Variants in NUP62CL observed in about 807,000 individuals in gnomAD.
NUP62CL encodes nucleoporin-62 C-terminal-like protein.
A neutral mutation model predicts 15.3 loss-of-function variants in NUP62CL; 13 were observed. The ratio of observed to expected loss-of-function variants is 0.85; its 90% CI spans 0.55 to 1.35. NUP62CL has a LOEUF of 1.35. NUP62CL is among the 40% of genes most tolerant of loss of function. The probability of loss-of-function intolerance (pLI) is 0.00; values close to 1 mark genes in which losing one functional copy is unlikely to be tolerated. For synonymous variants in NUP62CL, 54 were observed against 49.2 expected, an observed-to-expected ratio of 1.10 and a Z score of -0.41; for missense variants, 123 against 130.6, an observed-to-expected ratio of 0.94 and a Z score of 0.28.
chrX:107,184,345 A>C (rs1927000080), intron 2 of NUP62CL, among the ~76,000 whole-genome samples: 1 of 93,229 alleles, frequency 1.1e-5, no homozygotes, highest in Admixed American at 1.2e-4. Context: ...GAAAGAAAGA[A>C]AGAAAGAAAG....
intron 2 of NUP62CL, among the ~76,000 whole-genome samples, chrX:107,188,560 T>A (rs1429165256): frequency 9.0e-6 from 1 of 110,577 alleles, no homozygotes; most frequent in Non-Finnish European, 1.9e-5. Context: ...GTTTTCCCCC[T>A]AAGATCAATA....
chrX:107,124,964 C>T (rs959731531), intron 8 of NUP62CL, among the ~76,000 whole-genome samples: 1 of 111,208 alleles, frequency 9.0e-6, no homozygotes, highest in Admixed American at 9.6e-5. Flanking sequence ...AACTGGTGCC[C>T]AAGAAGAAAA....
At chrX:107,143,701 A>G (rs748218797) in intron 8 of NUP62CL, among the ~76,000 whole-genome samples, 19 of 112,199 alleles carry the variant, frequency 1.7e-4, no homozygotes, top group African/African-American at 5.8e-4. Context: ...TCTCTTTAGT[A>G]AAAAACTATA....
intron 3 of NUP62CL, among the ~76,000 whole-genome samples, chrX:107,170,730 A>G (rs1395350470): frequency 8.9e-6 from 1 of 112,004 alleles, no homozygotes. Flanking sequence ...CTTTTTGTAC[A>G]GTTTTATTTT....
At position 107,174,133 on chromosome X, in the gene NUP62CL, CTCTT is replaced by C. The variant is rs1206327385; in HGVS notation, c.58+952_58+955del. On this transcript the variant is annotated intron_variant, in intron 3 of 8. Transcript: ENST00000372466. The stretch of plus-strand genomic sequence containing the variant: ...TCCCTCCCTCTCTCTCCCCCTCTCT[CTCTT>C]TCTTTCTTCCTTTCCTTTTTTTTTT... Among the ~76,000 whole-genome samples, 381 of 79,030 alleles carry C rather than the reference CTCTT, an allele frequency of 4.8e-3. 4 individuals are homozygous for C. The highest frequency in any genetic ancestry group is 0.018 in the African/African-American group (362 of 20,367). 68.6% of individuals were successfully genotyped at this position (79,030 alleles called of 115,157 possible).
intron 4 of NUP62CL, among the ~76,000 whole-genome samples, chrX:107,161,979 C>T (rs1041229723): frequency 4.7e-5 from 5 of 107,517 alleles, no homozygotes; most frequent in African/African-American, 1.7e-4. Context: ...TCAAACAAGC[C>T]ATTTCAAATT....
chrX:107,141,916 C>T (rs903894728), intron 8 of NUP62CL, among the ~76,000 whole-genome samples: 11 of 109,173 alleles, frequency 1.0e-4, no homozygotes, highest in Admixed American at 6.9e-4. Flanking sequence ...AAAAATTAGC[C>T]GGGTATGGTG....
intron 4 of NUP62CL, among the ~76,000 whole-genome samples, chrX:107,163,933 T>G (rs1163369955): frequency 8.9e-6 from 1 of 111,793 alleles, no homozygotes; most frequent in Non-Finnish European, 1.9e-5. Flanking sequence ...AAAGCCACTC[T>G]CCACAACTGA....
chrX:107,153,993 AAAC>A (rs946839614), intron 5 of NUP62CL, 100 bp downstream of exon 5: 26 of 840,786 alleles, frequency 3.1e-5, no homozygotes, highest in Non-Finnish European at 4.2e-5. Flanking sequence ...AACATAAACA[AAAC>A]AACAACAACA....
At chrX:107,196,131 A>C (rs1262415069) in intron 1 of NUP62CL, among the ~76,000 whole-genome samples, 1 of 111,333 alleles carries the variant, frequency 9.0e-6, no homozygotes, top group Non-Finnish European at 1.9e-5. Flanking sequence ...ATAATTTAAG[A>C]ATCTTCCTAT....
intron 2 of NUP62CL, among the ~76,000 whole-genome samples, chrX:107,189,568 G>C (rs958442429): frequency 9.2e-6 from 1 of 108,643 alleles, no homozygotes; most frequent in African/African-American, 3.4e-5. Flanking sequence ...TTAAGCTCAA[G>C]AGTTTGAGAC....
intron 8 of NUP62CL, among the ~76,000 whole-genome samples, chrX:107,126,648 A>G (rs1372272017): frequency 8.9e-6 from 1 of 112,415 alleles, no homozygotes; most frequent in Non-Finnish European, 1.9e-5. Flanking sequence ...ATCTACATCC[A>G]AATGAAATCA....
At chrX:107,201,520 G>A (rs1056650004) in intron 1 of NUP62CL, among the ~76,000 whole-genome samples, 7 of 110,362 alleles carry the variant, frequency 6.3e-5, no homozygotes, top group Middle Eastern at 4.6e-3. Context: ...CAGCAATAAC[G>A]GAATGGAGAT....
At chrX:107,193,697 A>C (rs896229972) in intron 1 of NUP62CL, among the ~76,000 whole-genome samples, 3 of 111,360 alleles carry the variant, frequency 2.7e-5, no homozygotes, top group Non-Finnish European at 5.7e-5. Context: ...GTCAAAAAAA[A>C]AAAGCCCTTA....
chrX:107,153,431 A>G, intron 6 of NUP62CL, 23 bp downstream of exon 6: 3 of 1,147,748 alleles, frequency 2.6e-6, no homozygotes, highest in Non-Finnish European at 2.3e-6. Context: ...TAATCTTTCA[A>G]CCAAGGAAAT....
chrX:107,180,277 G>A (rs770403118), intron 2 of NUP62CL, among the ~76,000 whole-genome samples: 4 of 111,629 alleles, frequency 3.6e-5, no homozygotes, highest in Admixed American at 9.6e-5. Context: ...TTTTGAACCC[G>A]CAATACTTTT....
intron 7 of NUP62CL, among the ~76,000 whole-genome samples, chrX:107,152,135 G>GATATAT (rs5903301): frequency 2.5e-4 from 12 of 47,260 alleles, no homozygotes; most frequent in African/African-American, 1.2e-3. Context: ...TATATATTCA[G>GATATAT]ATATATATAT....
intron 2 of NUP62CL, 112 bp from the exon 3 acceptor site, chrX:107,175,305 A>G: frequency 2.2e-6 from 1 of 448,488 alleles, no homozygotes; most frequent in Non-Finnish European, 3.9e-6. Context: ...AAAGCAAGGA[A>G]AAGCAGGTAT....
chrX:107,181,080 C>CT (rs1208380676), intron 2 of NUP62CL, among the ~76,000 whole-genome samples: 227 of 99,986 alleles, frequency 2.3e-3, no homozygotes, highest in Middle Eastern at 0.016. Flanking sequence ...CAACGCCCAA[C>CT]TTTTTTTTTT....
Sources: gnomAD v4.1 joint callset for allele counts (sites outside exome capture counted in the v4.1 genomes callset) on GRCh38, gnomAD v4.1.1 for gene constraint, MANE v1.5 for transcripts, NCBI Gene and HGNC (gene_info 2026-07-23, HGNC 2026-07-21) for gene names.